SLC25A21: variants seen among roughly 807,000 people sequenced by gnomAD.
The protein encoded by SLC25A21 is solute carrier family 25 member 21.
A neutral mutation model predicts 43.8 loss-of-function variants in SLC25A21; 47 were observed. That is an observed-to-expected ratio of 1.07 (90% CI 0.85 to 1.37). SLC25A21 has a LOEUF of 1.37. Ranked by LOEUF, SLC25A21 falls within the 40% of genes most tolerant of loss-of-function variation. The pLI is 0.00. For synonymous variants in SLC25A21, 131 were observed against 121.3 expected, an observed-to-expected ratio of 1.08 and a Z score of -0.52; for missense variants, 352 against 350.2, an observed-to-expected ratio of 1.00 and a Z score of -0.04.
chr14:37,123,162 G>T (rs529553281), intron 1 of SLC25A21, among the ~76,000 whole-genome samples: 3 of 152,242 alleles, frequency 2.0e-5, no homozygotes, highest in African/African-American at 7.2e-5. Flanking sequence ...ATACTTCAAG[G>T]TTATTGCTTA....
chr14:37,172,035 T>G, intron 1 of SLC25A21: 1 of 545,464 alleles, frequency 1.8e-6, no homozygotes, highest in Non-Finnish European at 3.3e-6. Context: ...GAACGGACAA[T>G]GCCGGGAACC....
chr14:36,902,547 T>C (rs1293140621), intron 1 of SLC25A21, among the ~76,000 whole-genome samples: 2 of 152,122 alleles, frequency 1.3e-5, no homozygotes, highest in African/African-American at 4.8e-5. Context: ...TGGTCGGATT[T>C]TGGAAAAAGG....
intron 1 of SLC25A21, among the ~76,000 whole-genome samples, chr14:37,058,744 T>C (rs938752395): frequency 3.9e-5 from 6 of 152,246 alleles, no homozygotes; most frequent in Admixed American, 2.0e-4. Context: ...GGATGGCCTA[T>C]AACATTTGTG....
intron 2 of SLC25A21, among the ~76,000 whole-genome samples, chr14:36,852,620 C>T (rs1034595321): frequency 6.6e-6 from 1 of 151,988 alleles, no homozygotes; most frequent in African/African-American, 2.4e-5. Flanking sequence ...ATGAAGTGTA[C>T]CTTCATGTAA....
intron 2 of SLC25A21, among the ~76,000 whole-genome samples, chr14:36,832,937 T>G (rs187091140): frequency 1.3e-5 from 2 of 152,314 alleles, no homozygotes; most frequent in African/African-American, 4.8e-5. Context: ...AAATTCTCAT[T>G]GTTTATCAGC....
chr14:36,933,285 A>AT (rs894548321), intron 1 of SLC25A21, among the ~76,000 whole-genome samples: 2 of 152,060 alleles, frequency 1.3e-5, no homozygotes, highest in Admixed American at 1.3e-4. Flanking sequence ...CCCTTCTTGG[A>AT]TTTTTAAAAA....
intron 1 of SLC25A21, among the ~76,000 whole-genome samples, chr14:37,015,988 A>C (rs1960846185): frequency 6.6e-6 from 1 of 150,602 alleles, no homozygotes; most frequent in African/African-American, 2.4e-5. Context: ...CCCATTTTGT[A>C]GGTTGCCTGT....
At chr14:36,800,131 T>C (rs1887818942) in intron 3 of SLC25A21, among the ~76,000 whole-genome samples, 1 of 152,194 alleles carries the variant, frequency 6.6e-6, no homozygotes, top group South Asian at 2.1e-4. Context: ...TCTTCTAGTT[T>C]TTTGAACATA....
chr14:36,679,480 G>A lies in SLC25A21; in HGVS notation c.*1178C>T. ...ATATGGACTTTCAGTTATTCTTGTT[G>A]ACTTTACTGAATCAGCATCATCTCT... On this transcript the variant is annotated 3_prime_UTR_variant, in exon 10 of 10. Coordinates refer to ENST00000331299, the MANE Select transcript of SLC25A21 (RefSeq NM_030631.4). 1.0e-6 allele frequency: 1 copy of A among 985,336 alleles called. No homozygotes were observed. The highest frequency in any genetic ancestry group is 1.2e-6 in the Non-Finnish European group (1 of 829,888). 61.0% of individuals were successfully genotyped at this position (985,336 alleles called of 1,614,324 possible). A position where few individuals can be genotyped will look rare whatever the true frequency, so the allele number is the denominator to read the frequency against.
chr14:36,798,172 C>T (rs1887738721), intron 3 of SLC25A21, among the ~76,000 whole-genome samples: 2 of 152,098 alleles, frequency 1.3e-5, no homozygotes, highest in African/African-American at 2.4e-5. Context: ...TTCAGGTAAG[C>T]CAGACCCCTA....
At chr14:36,745,473 G>A (rs903748969) in intron 3 of SLC25A21, among the ~76,000 whole-genome samples, 4 of 152,054 alleles carry the variant, frequency 2.6e-5, no homozygotes, top group South Asian at 2.1e-4. Context: ...GTGTAAAAGC[G>A]TTCCTATTTC....
chr14:37,150,568 T>C (rs898519812), intron 1 of SLC25A21, among the ~76,000 whole-genome samples: 2 of 152,172 alleles, frequency 1.3e-5, no homozygotes, highest in African/African-American at 4.8e-5. Context: ...TTTGCAATAG[T>C]GGAATGTAAT....
intron 1 of SLC25A21, among the ~76,000 whole-genome samples, chr14:36,887,060 A>G (rs945656516): frequency 5.9e-5 from 9 of 152,244 alleles, no homozygotes; most frequent in Admixed American, 2.0e-4. Flanking sequence ...CTTTAAAGAG[A>G]AGGAAATGTG....
chr14:36,976,311 G>A (rs1172670630), intron 1 of SLC25A21, among the ~76,000 whole-genome samples: 1 of 152,142 alleles, frequency 6.6e-6, no homozygotes, highest in Non-Finnish European at 1.5e-5. Context: ...GGCAAGATCA[G>A]TACTGGGCAA....
In SLC25A21 at chr14:36,677,927, TAC is replaced by T. The variant is rs1331807222; in HGVS notation, c.*2729_*2730del. 3 of 152,824 alleles carry T rather than the reference TAC, an allele frequency of 2.0e-5. No individual in the cohort carries two copies. The highest frequency in any genetic ancestry group is 6.5e-5 in the Admixed American group (1 of 15,402). The allele number at this position is 152,824 out of a possible 1,614,324, so 9.5% of individuals were successfully genotyped here. On this transcript the variant is annotated 3_prime_UTR_variant, in exon 10 of 10. Coordinates refer to ENST00000331299, the MANE Select transcript of SLC25A21 (RefSeq NM_030631.4). ...CAATTGATTTTCTGGGGCAAAATTC[TAC>T]AGTTTTTAATCCCTTCTGTTTAGGA...
intron 2 of SLC25A21, among the ~76,000 whole-genome samples, chr14:36,843,900 T>C (rs899914234): frequency 6.6e-6 from 1 of 152,232 alleles, no homozygotes; most frequent in Non-Finnish European, 1.5e-5. Flanking sequence ...TCTCTTCATG[T>C]CAGAGAGATC....
intron 2 of SLC25A21, among the ~76,000 whole-genome samples, chr14:36,873,491 T>C (rs1890433895): frequency 6.6e-6 from 1 of 152,116 alleles, no homozygotes; most frequent in Admixed American, 6.5e-5. Context: ...AGACGGGGTT[T>C]CACCATGTTG....
intron 1 of SLC25A21, among the ~76,000 whole-genome samples, chr14:36,971,337 A>G (rs1959743868): frequency 6.6e-6 from 1 of 152,168 alleles, no homozygotes; most frequent in Non-Finnish European, 1.5e-5. Context: ...TGCCAATAGG[A>G]AAAAGCTACC....
At chr14:37,046,096 A>G (rs1482952082) in intron 1 of SLC25A21, among the ~76,000 whole-genome samples, 2 of 152,208 alleles carry the variant, frequency 1.3e-5, no homozygotes, top group Non-Finnish European at 2.9e-5. Context: ...CAAAATCACA[A>G]AGAAGTTGAG....
Sources: gnomAD v4.1 joint callset for allele counts (sites outside exome capture counted in the v4.1 genomes callset) on GRCh38, gnomAD v4.1.1 for gene constraint, MANE v1.5 for transcripts, NCBI Gene and HGNC (gene_info 2026-07-23, HGNC 2026-07-21) for gene names.